The following TFEB variants were observed in gnomAD, a reference collection of about 807,000 sequenced individuals.
The protein encoded by TFEB is T-cell transcription factor EB.
In TFEB, 12 loss-of-function variants were observed where a neutral mutation model predicts 48.0. The ratio of observed to expected loss-of-function variants is 0.25; its 90% CI spans 0.16 to 0.40. The LOEUF (loss-of-function observed/expected upper bound fraction) is 0.40, where lower values mean the gene tolerates loss of function less well. Ranked by LOEUF, TFEB falls within the 10% of genes least tolerant of loss-of-function variation. The probability of loss-of-function intolerance (pLI) is 1.00; values close to 1 mark genes in which losing one functional copy is unlikely to be tolerated. For missense variants in TFEB, 509 were observed against 640.3 expected, an observed-to-expected ratio of 0.79 and a Z score of 2.21; for synonymous variants, 244 against 261.4, an observed-to-expected ratio of 0.93 and a Z score of 0.64.
intron 1 of TFEB, chr6:41,733,922 G>C (rs1771557700): frequency 2.0e-6 from 2 of 981,556 alleles, no homozygotes; most frequent in South Asian, 9.4e-5. Flanking sequence ...TGCCAGGTCT[G>C]GGCCAATGGA....
Position 41,723,907 on chromosome 6 carries a change from G to A in TFEB, c.-23+11443C>T, listed in dbSNP as rs1025578605. 2.0e-6 allele frequency: 1 copy of A among 512,038 alleles called. No homozygotes were observed. 31.7% of individuals were successfully genotyped at this position (512,038 alleles called of 1,614,324 possible). A position where few individuals can be genotyped will look rare whatever the true frequency, so the allele number is the denominator to read the frequency against. On this transcript the variant is annotated intron_variant, in intron 1 of 8. Transcript: ENST00000373033. This position sits in a 1 kb window ranked among gnomAD's most constrained non-coding sequence, Gnocchi z 6.0. ...CCCAATCCCACCAGGTCCAGGGTGG[G>A]CCTAACCCTAACCCCAGCCCCGCTT...
rs1239923237 is a variant in TFEB at position 41,730,034 on chromosome 6, T to G, written c.-23+5316A>C. ...GAAACACCGGGAGGGGCCCAGCATC[T>G]GTGTTTAAACAATTCCTCCAGGGAG... On this transcript the variant is annotated intron_variant, in intron 1 of 8. Coordinates refer to ENST00000373033, the MANE Select transcript of TFEB (RefSeq NM_001271944.2). The surrounding 1 kb of genome is among the most constrained non-coding windows in gnomAD (Gnocchi z 4.1). Among the ~76,000 whole-genome samples the G allele has an allele frequency of 6.6e-6, 1 of 152,150 alleles. No homozygotes were observed. Among genetic ancestry groups the G allele is most frequent in the African/African-American group, 2.4e-5 (1 of 41,412 alleles).
chr6:41,723,137 G>A lies in TFEB; in HGVS notation c.-23+12213C>T, dbSNP rs1396257821. Among the ~76,000 whole-genome samples the A allele has an allele frequency of 6.6e-6, 1 of 152,152 alleles. No individual in the cohort carries two copies. Among genetic ancestry groups the A allele is most frequent in the Admixed American group, 6.5e-5 (1 of 15,280 alleles). ...ACCCTTGAAATAAGCCTGGAGAGAT[G>A]AGGAAACTGAAGCACAACTCTGGCT... On this transcript the variant is annotated intron_variant, in intron 1 of 8. Coordinates refer to ENST00000373033, the MANE Select transcript of TFEB (RefSeq NM_001271944.2). This position sits in a 1 kb window ranked among gnomAD's most constrained non-coding sequence, Gnocchi z 6.0.
chr6:41,715,210 G>A (rs2127256442), intron 1 of TFEB, among the ~76,000 whole-genome samples: 1 of 152,308 alleles, frequency 6.6e-6, no homozygotes, highest in African/African-American at 2.4e-5. Flanking sequence ...TGTTGCGGAA[G>A]TCTGGAGGAA....
chr6:41,724,881 T>G lies in TFEB; in HGVS notation c.-23+10469A>C, dbSNP rs1051082980. Among the ~76,000 whole-genome samples the G allele has an allele frequency of 6.6e-6, 1 of 152,154 alleles. No individual in the cohort carries two copies. The highest frequency in any genetic ancestry group is 2.4e-5 in the African/African-American group (1 of 41,446). ...ACTGAGGTTCACAGCGGTCACCTGA[T>G]GCCTCCAGCTTGGTGGACAGGGAAC... is the stretch of plus-strand genomic sequence containing the variant. On this transcript the variant is annotated intron_variant, in intron 1 of 8. Transcript: ENST00000373033. The surrounding 1 kb of genome is among the most constrained non-coding windows in gnomAD (Gnocchi z 4.4).
intron 1 of TFEB, among the ~76,000 whole-genome samples, chr6:41,728,127 A>G (rs1771287486): frequency 6.6e-6 from 1 of 152,200 alleles, no homozygotes; most frequent in Non-Finnish European, 1.5e-5. Context: ...TGTTTAGTAC[A>G]TTAGTCTACA....
chr6:41,733,791 C>T (rs1771551393), intron 1 of TFEB: 1 of 985,416 alleles, frequency 1.0e-6, no homozygotes, highest in East Asian at 1.1e-4. Flanking sequence ...GAGGGGAGGG[C>T]CTGAGGACTG....
Position 41,735,436 on chromosome 6 carries a change from T to G in TFEB, c.-109A>C. ...GTTCGGGTGCCTGGCCCGCAAGCTG[T>G]GCCCGCCACCTGCTCCCGGCCTGCT... On this transcript the variant is annotated 5_prime_UTR_variant, in exon 1 of 9. Coordinates refer to ENST00000373033, the MANE Select transcript of TFEB (RefSeq NM_001271944.2). 1.0e-6 allele frequency: 1 copy of G among 985,076 alleles called. No individual in the cohort carries two copies. Among genetic ancestry groups the G allele is most frequent in the Non-Finnish European group, 1.2e-6 (1 of 830,030 alleles). 61.0% of individuals were successfully genotyped at this position (985,076 alleles called of 1,614,324 possible). A position where few individuals can be genotyped will look rare whatever the true frequency, so the allele number is the denominator to read the frequency against.
intron 1 of TFEB, among the ~76,000 whole-genome samples, chr6:41,713,174 T>G (rs1033191851): frequency 6.6e-6 from 1 of 152,098 alleles, no homozygotes; most frequent in African/African-American, 2.4e-5. Context: ...GCACAGGTTT[T>G]CTGAGGCACC....
chr6:41,702,732 G>A (rs1156625059), intron 1 of TFEB, among the ~76,000 whole-genome samples: 1 of 152,198 alleles, frequency 6.6e-6, no homozygotes, highest in Non-Finnish European at 1.5e-5. Flanking sequence ...TCTCTGAGAT[G>A]AGTCTGTTTT....
At chr6:41,727,156 C>G (rs1192510661) in intron 1 of TFEB, among the ~76,000 whole-genome samples, 5 of 152,220 alleles carry the variant, frequency 3.3e-5, no homozygotes, top group Non-Finnish European at 4.4e-5. Context: ...CCTCACCCTA[C>G]CGTGGACCAT....
At chr6:41,736,133 A>G (rs1310794672), upstream of TFEB, 3 of 1,612,680 alleles carry the variant, frequency 1.9e-6, no homozygotes, top group Non-Finnish European at 2.5e-6. Context: ...TTCTACATTC[A>G]CGCCCCACTC....
chr6:41,702,922 T>C (rs771401296), intron 1 of TFEB, among the ~76,000 whole-genome samples: 2 of 152,250 alleles, frequency 1.3e-5, no homozygotes, highest in Admixed American at 1.3e-4. Flanking sequence ...GGACCTCTCA[T>C]AGGCTCCCTG....
rs1770680443 is a variant in TFEB at position 41,715,182 on chromosome 6, T to C, written c.-23+20168A>G. Among the ~76,000 whole-genome samples the C allele has an allele frequency of 1.3e-5, 2 of 151,930 alleles. 1 individual carries two copies. Among genetic ancestry groups the C allele is most frequent in the South Asian group, 4.2e-4 (2 of 4,818 alleles). ...GTGACGAAGAATCTGAAAACCACAGTTTTCTCTGGCCTCTCCATGTTGCGG... is the reference window on the plus strand; with the variant it reads ...GTGACGAAGAATCTGAAAACCACAGCTTTCTCTGGCCTCTCCATGTTGCGG... On this transcript the variant is annotated intron_variant, in intron 1 of 8. Transcript: ENST00000373033.
chr6:41,714,539 C>G (rs758001422), intron 1 of TFEB, among the ~76,000 whole-genome samples: 2 of 152,168 alleles, frequency 1.3e-5, no homozygotes, highest in Non-Finnish European at 2.9e-5. Context: ...AGAGGTGCGG[C>G]CTTGATGGTA....
chr6:41,734,077 T>A lies in TFEB; in HGVS notation c.-23+1273A>T. On this transcript the variant is annotated intron_variant, in intron 1 of 8. Transcript: ENST00000373033. This position sits in a 1 kb window ranked among gnomAD's most constrained non-coding sequence, Gnocchi z 4.0. ...AGGGCAGAGGATGGGAGCTGGGCAG[T>A]AATTAACCTGCACTTCCCCAGCGAG... The A allele has an allele frequency of 5.6e-6, 1 of 179,244 alleles. No homozygotes were observed. The highest frequency in any genetic ancestry group is 1.1e-5 in the Non-Finnish European group (1 of 92,966). The allele number at this position is 179,244 out of a possible 1,614,324, so 11.1% of individuals were successfully genotyped here.
Position 41,691,210 on chromosome 6 carries a change from C to A in TFEB, c.4G>T (p.Ala2Ser). The A allele has an allele frequency of 3.2e-6, 5 of 1,581,422 alleles. No homozygotes were observed. The highest frequency in any genetic ancestry group is 4.3e-6 in the Non-Finnish European group (5 of 1,160,682). ...TGCATGCGCAACCCTATGCGTGACGCCATGGTGGCTGCCGGCGCTGGCTCC... is the reference window on the plus strand; with the variant it reads ...TGCATGCGCAACCCTATGCGTGACGACATGGTGGCTGCCGGCGCTGGCTCC... M[A>S]SRIGLRMQLM... Residue 2 changes from alanine (A) to serine (S), a missense_variant, in exon 2 of 9, where the codon GCG becomes TCG. Transcript: ENST00000373033. This position sits in a 1 kb window ranked among gnomAD's most constrained non-coding sequence, Gnocchi z 5.2.
At chr6:41,721,395 ACAC>A (rs1770977442) in intron 1 of TFEB, among the ~76,000 whole-genome samples, 1 of 151,660 alleles carries the variant, frequency 6.6e-6, no homozygotes, top group African/African-American at 2.4e-5. Flanking sequence ...ACACACACAC[ACAC>A]ACACACGAAA....
Position 41,691,988 on chromosome 6 carries a change from TC to T in TFEB, c.-22-754del. Among the ~76,000 whole-genome samples, 1 of 152,016 alleles carries T rather than the reference TC, an allele frequency of 6.6e-6. No homozygotes were observed. Among genetic ancestry groups the T allele is most frequent in the East Asian group, 1.9e-4 (1 of 5,168 alleles). On this transcript the variant is annotated intron_variant, in intron 1 of 8. Coordinates refer to ENST00000373033, the MANE Select transcript of TFEB (RefSeq NM_001271944.2). This position sits in a 1 kb window ranked among gnomAD's most constrained non-coding sequence, Gnocchi z 5.2. The stretch of plus-strand genomic sequence containing the variant: ...GCTGTTCCCTCTGCCTGGAATGCTC[TC>T]CCCCCAGATGACATCATGGCTCACT...
Sources: gnomAD v4.1 joint callset for allele counts (sites outside exome capture counted in the v4.1 genomes callset) on GRCh38, gnomAD v4.1.1 for gene constraint, Gnocchi (gnomAD v3.1) non-coding constraint, MANE v1.5 for transcripts, NCBI Gene and HGNC (gene_info 2026-07-23, HGNC 2026-07-21) for gene names.